NTM: variants seen among roughly 807,000 people sequenced by gnomAD.
NTM encodes neurotrimin.
A neutral mutation model predicts 42.1 loss-of-function variants in NTM; 13 were observed. The ratio of observed to expected loss-of-function variants is 0.31; its 90% CI spans 0.20 to 0.49. The LOEUF (loss-of-function observed/expected upper bound fraction) is 0.49. Ranked by LOEUF, NTM falls within the 20% of genes least tolerant of loss-of-function variation. NTM has a pLI of 0.99. For synonymous variants in NTM, 187 were observed against 179.2 expected (o/e 1.04, Z -0.35); for missense variants, 373 against 452.8 (o/e 0.82, Z 1.60).
Position 131,390,069 on chromosome 11 carries a change from G to A in NTM, c.82+19181G>A, listed in dbSNP as rs138784754. Reference sequence around the variant, plus strand: ...GACTGGGCAATGTACAAAGAAAAGAGGTTTATTTGGCTCATGGTTCTGCAG... The same window carrying A: ...GACTGGGCAATGTACAAAGAAAAGAAGTTTATTTGGCTCATGGTTCTGCAG... On this transcript the variant is annotated intron_variant, in intron 1 of 8. Transcript: ENST00000683400. Among the ~76,000 whole-genome samples, 777 of 152,248 alleles carry A rather than the reference G, an allele frequency of 5.1e-3. 9 individuals carry two copies. The highest frequency in any genetic ancestry group is 0.018 in the African/African-American group (745 of 41,550).
At chr11:132,128,639 G>T (rs551919026) in intron 2 of NTM, among the ~76,000 whole-genome samples, 1 of 152,134 alleles carries the variant, frequency 6.6e-6, no homozygotes, top group African/African-American at 2.4e-5. Context: ...AAGGGGCTGG[G>T]CATGGTGGCT....
chr11:132,140,162 G>T (rs1327499727), intron 2 of NTM, among the ~76,000 whole-genome samples: 1 of 152,130 alleles, frequency 6.6e-6, no homozygotes, highest in Non-Finnish European at 1.5e-5. Context: ...AGGCCTGAGG[G>T]GCATCAGGAA....
chr11:132,192,099 A>G (rs2079406718), intron 3 of NTM, among the ~76,000 whole-genome samples: 1 of 152,178 alleles, frequency 6.6e-6, no homozygotes. Context: ...ATTTGAGGAT[A>G]TAGTCCAAAA....
At chr11:131,773,973 A>G (rs1426261179) in intron 1 of NTM, 2 of 980,702 alleles carry the variant, frequency 2.0e-6, no homozygotes, top group African/African-American at 3.5e-5. Flanking sequence ...CAATAGTGTT[A>G]AGGACCTCCA....
intron 2 of NTM, among the ~76,000 whole-genome samples, chr11:132,058,354 C>T (rs2080056841): frequency 6.6e-6 from 1 of 152,162 alleles, no homozygotes; most frequent in Non-Finnish European, 1.5e-5. Flanking sequence ...GTGGTGAGTC[C>T]TTGATCCTCC....
At chr11:131,427,068 CAT>C (rs1337299993) in intron 1 of NTM, among the ~76,000 whole-genome samples, 2 of 151,912 alleles carry the variant, frequency 1.3e-5, no homozygotes, top group African/African-American at 4.8e-5. Context: ...GAATAAACGA[CAT>C]ATGTAGCTTT....
Position 131,987,525 on chromosome 11 carries a change from C to T in NTM, c.167+75877C>T, listed in dbSNP as rs116175406. On this transcript the variant is annotated intron_variant, in intron 2 of 8. Transcript: ENST00000683400. Reference sequence around the variant, plus strand: ...AACAAATGTATTGCAATACAGACTTCGAAGATCTTTGCTTTTAGGCACATT... The same window carrying T: ...AACAAATGTATTGCAATACAGACTTTGAAGATCTTTGCTTTTAGGCACATT... Among the ~76,000 whole-genome samples, 415 of 152,038 alleles carry T rather than the reference C, an allele frequency of 2.7e-3. 3 individuals are homozygous for T. The highest frequency in any genetic ancestry group is 9.6e-3 in the African/African-American group (397 of 41,440).
chr11:131,382,924 T>G (rs545465099), intron 1 of NTM, among the ~76,000 whole-genome samples: 1 of 152,316 alleles, frequency 6.6e-6, no homozygotes, highest in African/African-American at 2.4e-5. Flanking sequence ...TCTTTTTTTT[T>G]GGATATGCCA....
intron 3 of NTM, among the ~76,000 whole-genome samples, chr11:132,168,096 A>G (rs2075556853): frequency 2.0e-5 from 3 of 152,212 alleles, no homozygotes; most frequent in Admixed American, 2.0e-4. Context: ...TTCACAAGAT[A>G]CATTAATCAG....
intron 1 of NTM, among the ~76,000 whole-genome samples, chr11:131,525,260 G>T: frequency 6.6e-6 from 1 of 152,190 alleles, no homozygotes; most frequent in East Asian, 1.9e-4. Flanking sequence ...TCTCTGAAGT[G>T]GGACGTGGGT....
At chr11:132,294,949 G>A (rs2094562456) in intron 4 of NTM, among the ~76,000 whole-genome samples, 1 of 152,174 alleles carries the variant, frequency 6.6e-6, no homozygotes, top group Admixed American at 6.5e-5. Context: ...GGCTATAAGA[G>A]CTTTTAACTA....
intron 3 of NTM, among the ~76,000 whole-genome samples, chr11:132,179,314 T>G (rs2077230747): frequency 6.6e-6 from 1 of 152,124 alleles, no homozygotes; most frequent in Admixed American, 6.5e-5. Flanking sequence ...CCCTAATGGA[T>G]GCACAAGAGA....
intron 4 of NTM, among the ~76,000 whole-genome samples, chr11:132,246,363 G>A (rs537593921): frequency 6.6e-6 from 1 of 152,298 alleles, no homozygotes; most frequent in African/African-American, 2.4e-5. Flanking sequence ...TACAGTTAAA[G>A]CTCCCAACAG....
At chr11:132,228,402 G>A (rs1040755210) in intron 4 of NTM, among the ~76,000 whole-genome samples, 2 of 152,116 alleles carry the variant, frequency 1.3e-5, no homozygotes, top group African/African-American at 4.8e-5. Context: ...GCCATACCTT[G>A]CCCATCTAAT....
At chr11:131,841,596 G>T (rs772514391) in intron 1 of NTM, among the ~76,000 whole-genome samples, 1 of 152,146 alleles carries the variant, frequency 6.6e-6, no homozygotes, top group Non-Finnish European at 1.5e-5. Context: ...GACGAGAATT[G>T]CTGATCTAGG....
chr11:131,432,839 C>CCTTTT (rs1565494793), intron 1 of NTM, among the ~76,000 whole-genome samples: 2 of 68,694 alleles, frequency 2.9e-5, no homozygotes, highest in Non-Finnish European at 5.2e-5. Context: ...ATTTAGCATT[C>CCTTTT]TTTTTTTTTT....
intron 1 of NTM, among the ~76,000 whole-genome samples, chr11:131,531,896 A>G (rs1028747936): frequency 6.6e-6 from 1 of 152,200 alleles, no homozygotes; most frequent in African/African-American, 2.4e-5. Context: ...AACCGCATGC[A>G]CAGAAGTGTG....
chr11:131,905,476 C>T (rs926405272), intron 1 of NTM, among the ~76,000 whole-genome samples: 2 of 152,008 alleles, frequency 1.3e-5, no homozygotes, highest in East Asian at 1.9e-4. Flanking sequence ...GGTCGTGTAG[C>T]GTCTGTGCTG....
intron 2 of NTM, among the ~76,000 whole-genome samples, chr11:132,018,996 A>G (rs2073893019): frequency 6.6e-6 from 1 of 151,962 alleles, no homozygotes; most frequent in East Asian, 1.9e-4. Flanking sequence ...ATTTGTCGGC[A>G]TAAGGTTGTT....
Sources: allele counts gnomAD v4.1 joint callset (sites outside exome capture counted in the v4.1 genomes callset), GRCh38; gene constraint gnomAD v4.1.1; transcripts MANE v1.5; gene names NCBI Gene and HGNC (gene_info 2026-07-23, HGNC 2026-07-21).